Variants in PODXL2 observed in about 807,000 individuals in gnomAD.
PODXL2 encodes podocalyxin like 2, also known as podocalyxin-like protein 2.
A neutral mutation model predicts 53.4 loss-of-function variants in PODXL2; 17 were observed. That is an observed-to-expected ratio of 0.32 (90% CI 0.22 to 0.48). The LOEUF is 0.48. Ranked by LOEUF, PODXL2 falls within the 20% of genes least tolerant of loss-of-function variation. PODXL2 has a pLI of 0.99. For missense variants in PODXL2, 673 were observed against 760.0 expected (o/e 0.89, Z 1.35); for synonymous variants, 311 against 306.7 (o/e 1.01, Z -0.15).
intron 1 of PODXL2, among the ~76,000 whole-genome samples, chr3:127,631,362 G>C (rs2074544142): frequency 6.6e-6 from 1 of 152,104 alleles, no homozygotes; most frequent in Admixed American, 6.5e-5. Context: ...CAGATCACAG[G>C]GACTGATTTG....
chr3:127,672,370 A>T lies in PODXL2; in HGVS notation c.1708A>T (p.Ser570Cys). The T allele has an allele frequency of 6.5e-7, 1 of 1,548,612 alleles. No individual in the cohort carries two copies. The highest frequency in any genetic ancestry group is 8.7e-7 in the Non-Finnish European group (1 of 1,147,294). Residue 570 changes from serine (S) to cysteine (C), a missense_variant, in exon 8 of 8, where the codon AGC (serine) becomes TGC (cysteine). Ser to Cys is a moderately radical substitution (Grantham distance 112). This residue lies in a region of PODXL2 where 79 missense variants were observed against 70.5 expected (regional missense o/e 1.12). Transcript: ENST00000342480. ...SQSEMQEKHP[S>C]LNGGGALNGP... ...GTCGGAGATGCAGGAGAAGCACCCC[A>T]GCCTGAACGGCGGCGGGGCCCTCAA...
chr3:127,656,281 C>T (rs936739337), intron 2 of PODXL2, among the ~76,000 whole-genome samples: 3 of 152,154 alleles, frequency 2.0e-5, no homozygotes, highest in African/African-American at 7.2e-5. Flanking sequence ...TACCATCATC[C>T]TCATTCCACA....
chr3:127,665,777 C>T (rs955210544), intron 4 of PODXL2, among the ~76,000 whole-genome samples: 1 of 152,344 alleles, frequency 6.6e-6, no homozygotes, highest in East Asian at 1.9e-4. Flanking sequence ...GATGAGGCGC[C>T]AGTCCTTTGC....
intron 3 of PODXL2, 69 bp downstream of exon 3, chr3:127,661,228 G>C: frequency 8.2e-7 from 1 of 1,217,998 alleles, no homozygotes; most frequent in South Asian, 1.4e-5. Context: ...CCCAGGGCTA[G>C]TGTGGCATGG....
At chr3:127,641,863 G>C (rs555117771) in intron 2 of PODXL2, among the ~76,000 whole-genome samples, 18 of 152,244 alleles carry the variant, frequency 1.2e-4, no homozygotes, top group Non-Finnish European at 2.6e-4. Context: ...GTCATCAGGT[G>C]TATTAAACTG....
chr3:127,643,822 A>G (rs1213322811), intron 2 of PODXL2, among the ~76,000 whole-genome samples: 1 of 151,628 alleles, frequency 6.6e-6, no homozygotes, highest in Non-Finnish European at 1.5e-5. Flanking sequence ...TGTTTTTTGT[A>G]GAGACAGGGT....
intron 1 of PODXL2, among the ~76,000 whole-genome samples, chr3:127,636,040 G>C (rs1355312327): frequency 6.6e-6 from 1 of 152,208 alleles, no homozygotes; most frequent in Non-Finnish European, 1.5e-5. Flanking sequence ...AAGGTATCTT[G>C]ATGCCTAGCC....
At chr3:127,634,633 G>A (rs923126569) in intron 1 of PODXL2, among the ~76,000 whole-genome samples, 11 of 152,008 alleles carry the variant, frequency 7.2e-5, no homozygotes, top group Admixed American at 4.6e-4. Flanking sequence ...GGCTGAGGCA[G>A]GAGAATCGCT....
Position 127,662,256 on chromosome 3 carries a change from G to T in PODXL2, c.1151G>T (p.Ser384Ile). The T allele has an allele frequency of 6.2e-7, 1 of 1,614,008 alleles. No individual in the cohort carries two copies. Among genetic ancestry groups the T allele is most frequent in the East Asian group, 2.2e-5 (1 of 44,882 alleles). The change falls in exon 4 of 8, where the codon AGC (serine) becomes ATC (isoleucine). Residue 384 changes from serine (S) to isoleucine (I), a missense_variant. This residue lies in a region of PODXL2 where 588 missense variants were observed against 668.3 expected (regional missense o/e 0.88). Coordinates refer to ENST00000342480, the MANE Select transcript of PODXL2 (RefSeq NM_015720.4). ...GCACAGGTGATCTGCAAGGACTGGA[G>T]CAATCTGGCTGGGAAAAACTACATC... is the stretch of plus-strand genomic sequence containing the variant. ...DSTQVICKDW[S>I]NLAGKNYIIL...
chr3:127,631,957 T>C (rs745327105), intron 1 of PODXL2, among the ~76,000 whole-genome samples: 9 of 152,114 alleles, frequency 5.9e-5, no homozygotes, highest in Non-Finnish European at 1.0e-4. Flanking sequence ...TATTAGACCA[T>C]TGGGAAGGGA....
At chr3:127,637,721 C>G (rs1027032117) in intron 1 of PODXL2, among the ~76,000 whole-genome samples, 1 of 152,204 alleles carries the variant, frequency 6.6e-6, no homozygotes, top group East Asian at 1.9e-4. Context: ...CTTCCCATCC[C>G]CCATCCACAC....
chr3:127,658,527 T>G (rs964600135), intron 2 of PODXL2, among the ~76,000 whole-genome samples: 5 of 152,050 alleles, frequency 3.3e-5, no homozygotes, highest in African/African-American at 1.2e-4. Context: ...CAATCACACT[T>G]GAGTAGTCAT....
chr3:127,653,676 GTC>G (rs1487609116), intron 2 of PODXL2, among the ~76,000 whole-genome samples: 4 of 151,240 alleles, frequency 2.6e-5, no homozygotes, highest in Non-Finnish European at 5.9e-5. Flanking sequence ...GAGAGAAAGT[GTC>G]TCTCACATGT....
chr3:127,671,429 C>T lies in PODXL2; in HGVS notation c.1426-5C>T, dbSNP rs774333021. 44 of 1,613,040 alleles carry T rather than the reference C, an allele frequency of 2.7e-5. No individual in the cohort carries two copies. Among genetic ancestry groups the T allele is most frequent in the Non-Finnish European group, 3.4e-5 (40 of 1,179,272 alleles). On this transcript the variant is annotated splice_polypyrimidine_tract_variant and splice_region_variant and intron_variant, in intron 6 of 7. Transcript: ENST00000342480. Reference sequence around the variant, plus strand: ...GCTGAGGAAACTGGCCCCTCCCACCCCTAGATTGGCATCCAGAACTATTCC... The same window carrying T: ...GCTGAGGAAACTGGCCCCTCCCACCTCTAGATTGGCATCCAGAACTATTCC...
intron 2 of PODXL2, among the ~76,000 whole-genome samples, chr3:127,639,902 T>G (rs1439634685): frequency 6.6e-6 from 1 of 152,244 alleles, no homozygotes; most frequent in Non-Finnish European, 1.5e-5. Context: ...TTCAGACCTA[T>G]GGCTTTCCAA....
chr3:127,637,008 G>A (rs1162999736), intron 1 of PODXL2, among the ~76,000 whole-genome samples: 1 of 152,116 alleles, frequency 6.6e-6, no homozygotes, highest in Non-Finnish European at 1.5e-5. Flanking sequence ...TGTTTTAGGA[G>A]AGACTAGTTT....
intron 1 of PODXL2, among the ~76,000 whole-genome samples, chr3:127,635,729 A>G (rs1213770171): frequency 6.6e-6 from 1 of 152,250 alleles, no homozygotes; most frequent in Non-Finnish European, 1.5e-5. Context: ...TGTTTTAACA[A>G]GCCCTCATGG....
chr3:127,661,068 C>T lies in PODXL2; in HGVS notation c.1040C>T (p.Ser347Phe). The change falls in exon 3 of 8, where the codon TCT becomes TTT. Residue 347 changes from serine (S) to phenylalanine (F), a missense_variant. Coordinates refer to ENST00000342480, the MANE Select transcript of PODXL2 (RefSeq NM_015720.4). The stretch of plus-strand genomic sequence containing the variant: ...GGAGACATGGAACTGACACCTTCCT[C>T]TGCTACCTTGGGACAAGAAGATCTC... ...APGDMELTPS[S>F]ATLGQEDLNQ... 1 of 1,614,246 alleles carries T rather than the reference C, an allele frequency of 6.2e-7. No individual in the cohort carries two copies. Among genetic ancestry groups the T allele is most frequent in the Non-Finnish European group, 8.5e-7 (1 of 1,180,030 alleles).
rs61148375 is a variant in PODXL2, at chr3:127,636,261, ACT to A, written c.71-2981_71-2980del. 9.7e-3 allele frequency among the ~76,000 whole-genome samples: 1,474 copies of A among 152,272 alleles called. 33 individuals carry two copies. Among genetic ancestry groups the A allele is most frequent in the African/African-American group, 0.033 (1,364 of 41,560 alleles). ...GTACTGTTTTGGGGTAGGACAGGGC[ACT>A]CTGTTTCTTTCCCATCTACCTAGTA... On this transcript the variant is annotated intron_variant, in intron 1 of 7. Coordinates refer to ENST00000342480, the MANE Select transcript of PODXL2 (RefSeq NM_015720.4).
Sources: gnomAD v4.1 joint callset for allele counts (sites outside exome capture counted in the v4.1 genomes callset) on GRCh38, gnomAD v4.1.1 for gene constraint, gnomAD v4.1.1 regional missense constraint, MANE v1.5 for transcripts, NCBI Gene and HGNC (gene_info 2026-07-23, HGNC 2026-07-21) for gene names.